FAM240C: variants seen among roughly 807,000 people sequenced by gnomAD.
FAM240C encodes protein FAM240C.
In FAM240C, 14 loss-of-function variants were observed where a neutral mutation model predicts 10.0. The ratio of observed to expected loss-of-function variants is 1.40; its 90% CI spans 0.92 to 2.19. FAM240C has a LOEUF of 2.19. Among genes scored for constraint, FAM240C ranks in the 30% most tolerant of loss-of-function variants. The pLI, the probability that FAM240C is intolerant of heterozygous loss-of-function variation, is 0.00. For synonymous variants in FAM240C, 49 were observed against 44.3 expected, an observed-to-expected ratio of 1.11 and a Z score of -0.42; for missense variants, 154 against 122.3, an observed-to-expected ratio of 1.26 and a Z score of -1.22.
chr2:241,900,347 A>G lies in FAM240C; in HGVS notation c.12+11T>C, dbSNP rs576596989. The G allele has an allele frequency of 1.0e-4, 75 of 717,280 alleles. No homozygotes were observed. In the African/African-American group the frequency reaches 1.2e-3, roughly 12 times the overall value. 44.4% of individuals were successfully genotyped at this position (717,280 alleles called of 1,614,324 possible). ...GCAAGGACAGCGCCTGTCACATCACAGAGAGCTTACTTTTCCAACCATTTC... is the reference window on the plus strand; with the variant it reads ...GCAAGGACAGCGCCTGTCACATCACGGAGAGCTTACTTTTCCAACCATTTC... On this transcript the variant is annotated intron_variant, in intron 1 of 2. Transcript: ENST00000404031. This position sits in a 1 kb window ranked among gnomAD's most constrained non-coding sequence, Gnocchi z 4.5.
chr2:241,895,828 GCCAGAGGACA>G (rs1701782984), intron 2 of FAM240C, among the ~76,000 whole-genome samples: 1 of 151,960 alleles, frequency 6.6e-6, no homozygotes, highest in Non-Finnish European at 1.5e-5. Context: ...CCAGGCAATG[GCCAGAGGACA>G]CCAGGGCACA....
At position 241,900,436 on chromosome 2, in the gene FAM240C, CG is replaced by C; in HGVS notation, c.-68del. ...CTCAGCCTGTCCTCTCCGGGGTGCA[CG>C]CCTGTATCTCGCCTGCCGCTCTCTG... On this transcript the variant is annotated 5_prime_UTR_variant, in exon 1 of 3. Coordinates refer to ENST00000404031, the MANE Select transcript of FAM240C (RefSeq NM_001382368.1). The surrounding 1 kb of genome is among the most constrained non-coding windows in gnomAD (Gnocchi z 4.5). 4 of 714,122 alleles carry C rather than the reference CG, an allele frequency of 5.6e-6. No homozygotes were observed. In the South Asian group the frequency reaches 5.9e-5, roughly 11 times the overall value. 44.2% of individuals were successfully genotyped at this position (714,122 alleles called of 1,614,324 possible).
upstream of FAM240C, among the ~76,000 whole-genome samples, chr2:241,901,086 C>A (rs1380549631): frequency 2.6e-5 from 4 of 152,164 alleles, no homozygotes; most frequent in Non-Finnish European, 5.9e-5. The surrounding 1 kb of genome is among the most constrained non-coding windows in gnomAD (Gnocchi z 4.9). Context: ...GCGATTCCTC[C>A]TTCCTCCACC....
chr2:241,897,652 C>T (rs950532328), intron 1 of FAM240C, among the ~76,000 whole-genome samples: 1 of 152,216 alleles, frequency 6.6e-6, no homozygotes, highest in Non-Finnish European at 1.5e-5. Context: ...TTCTAACTCT[C>T]TGTGTGTTAG....
At chr2:241,899,132 G>C (rs1214345889) in intron 1 of FAM240C, 4 of 1,304,242 alleles carry the variant, frequency 3.1e-6, no homozygotes, top group Non-Finnish European at 1.0e-6. Context: ...AGGTGGAGAG[G>C]GTAAGGGTGC....
intron 1 of FAM240C, among the ~76,000 whole-genome samples, chr2:241,899,537 T>G (rs2124927261): frequency 6.6e-6 from 1 of 152,324 alleles, no homozygotes; most frequent in South Asian, 2.1e-4. Flanking sequence ...CTCTGGTGTC[T>G]GGGCAGACGC....
Position 241,896,601 on chromosome 2 carries a change from AGGGGTGTGGGTGTG to A in FAM240C, c.161+571_161+584del, listed in dbSNP as rs1559468373. 6.1e-3 allele frequency among the ~76,000 whole-genome samples: 19 copies of A among 3,102 alleles called. 1 individual carries two copies. Among genetic ancestry groups the A allele is most frequent in the Middle Eastern group, 0.17 (1 of 6 alleles). The allele number at this position is 3,102 out of a possible 152,430, so 2.0% of individuals were successfully genotyped here. A position where few individuals can be genotyped will look rare whatever the true frequency, so the allele number is the denominator to read the frequency against. Reference sequence around the variant, plus strand: ...GGTGTGGGTGTTGGGGTGTGGGTGAAGGGGTGTGGGTGTGGGGGTGTGGGTGTTGGGGTGTGGGT... The same window carrying A: ...GGTGTGGGTGTTGGGGTGTGGGTGAAGGGGTGTGGGTGTTGGGGTGTGGGT... On this transcript the variant is annotated intron_variant, in intron 2 of 2. Coordinates refer to ENST00000404031, the MANE Select transcript of FAM240C (RefSeq NM_001382368.1).
upstream of FAM240C, among the ~76,000 whole-genome samples, chr2:241,901,988 G>C (rs954993025): frequency 5.3e-5 from 8 of 152,228 alleles, no homozygotes; most frequent in African/African-American, 1.7e-4. This position sits in a 1 kb window ranked among gnomAD's most constrained non-coding sequence, Gnocchi z 4.9. Context: ...CCACCGTGCT[G>C]GCCGTGCCTG....
rs750814070 is a variant in FAM240C, at chr2:241,900,115, A to G, written c.12+243T>C. On this transcript the variant is annotated intron_variant, in intron 1 of 2. Coordinates refer to ENST00000404031, the MANE Select transcript of FAM240C (RefSeq NM_001382368.1). The surrounding 1 kb of genome is among the most constrained non-coding windows in gnomAD (Gnocchi z 4.5). Reference sequence around the variant, plus strand: ...AACAAAACAACAATGACAACAACAGACACACAAAGGGGTGCGTGTTGTGAG... The same window carrying G: ...AACAAAACAACAATGACAACAACAGGCACACAAAGGGGTGCGTGTTGTGAG... Among the ~76,000 whole-genome samples the G allele has an allele frequency of 2.6e-5, 4 of 152,144 alleles. No individual in the cohort carries two copies. Among genetic ancestry groups the G allele is most frequent in the Non-Finnish European group, 2.9e-5 (2 of 68,026 alleles).
intron 1 of FAM240C, chr2:241,899,169 T>C (rs1329050917): frequency 7.7e-7 from 1 of 1,304,006 alleles, no homozygotes; most frequent in African/African-American, 1.5e-5. Flanking sequence ...CAGGTTGCAA[T>C]GAACAGGTGC....
intron 1 of FAM240C, among the ~76,000 whole-genome samples, chr2:241,897,597 C>A (rs1262234549): frequency 6.6e-6 from 1 of 152,152 alleles, no homozygotes; most frequent in African/African-American, 2.4e-5. Context: ...AGGGCAAATT[C>A]CATTTTGGGC....
In FAM240C at chr2:241,897,207, AC is replaced by A. The variant is rs1410202707; in HGVS notation, c.139del (p.Val47PhefsTer6). ...TCACTTGTTCAGAGCGCTTCTGCGA[AC>A]CCTGATGTCCTCGTTCTGCAGGTGT... ...ARHLQNEDIR[V>X]RRSALNKLRV... is the part of the protein sequence containing the mutation. On this transcript the variant is annotated frameshift_variant, in exon 2 of 3. Coordinates refer to ENST00000404031, the MANE Select transcript of FAM240C (RefSeq NM_001382368.1). LOFTEE classifies it high-confidence loss of function. 3 of 1,549,648 alleles carry A rather than the reference AC, an allele frequency of 1.9e-6. No homozygotes were observed. Among genetic ancestry groups the A allele is most frequent in the South Asian group, 2.4e-5 (2 of 84,052 alleles).
chr2:241,895,742 A>G lies in FAM240C; in HGVS notation c.162-1403T>C, dbSNP rs7425866. 2.5e-3 allele frequency among the ~76,000 whole-genome samples: 383 copies of G among 152,122 alleles called. 5 individuals carry two copies. The highest frequency in any genetic ancestry group is 0.017 in the Admixed American group (261 of 15,278). On this transcript the variant is annotated intron_variant, in intron 2 of 2. Transcript: ENST00000404031. The stretch of plus-strand genomic sequence containing the variant: ...ACGCTGGTGCCTGCCTTGGACACCA[A>G]CCTCCACCTCAGGGGCCAGAGAAGG...
At chr2:241,894,994 G>A (rs191420675) in intron 2 of FAM240C, among the ~76,000 whole-genome samples, 194 of 152,330 alleles carry the variant, frequency 1.3e-3, no homozygotes, top group Middle Eastern at 3.4e-3. Context: ...CCTGCCCGCA[G>A]CTGCCGCTTC....
chr2:241,902,101 T>G (rs1701996052), upstream of FAM240C, among the ~76,000 whole-genome samples: 1 of 152,174 alleles, frequency 6.6e-6, no homozygotes, highest in Non-Finnish European at 1.5e-5. The surrounding 1 kb of genome is among the most constrained non-coding windows in gnomAD (Gnocchi z 7.1). Context: ...GGAGGAGGAA[T>G]TTGGGAGAAT....
upstream of FAM240C, among the ~76,000 whole-genome samples, chr2:241,901,687 G>A (rs760665635): frequency 6.6e-6 from 1 of 152,164 alleles, no homozygotes; most frequent in Non-Finnish European, 1.5e-5. The surrounding 1 kb of genome is among the most constrained non-coding windows in gnomAD (Gnocchi z 4.9). Flanking sequence ...GGAAGACGCC[G>A]GTGAGAACCA....
chr2:241,900,181 C>T lies in FAM240C; in HGVS notation c.12+177G>A, dbSNP rs939458607. ...ACTCTCCCCCCACCAAAGGTGTTGA[C>T]AGCAGGAATCCCAGTGGGAAAACAA... On this transcript the variant is annotated intron_variant, in intron 1 of 2. Transcript: ENST00000404031. This position sits in a 1 kb window ranked among gnomAD's most constrained non-coding sequence, Gnocchi z 4.5. Among the ~76,000 whole-genome samples the T allele has an allele frequency of 6.6e-6, 1 of 152,196 alleles. No homozygotes were observed. The highest frequency in any genetic ancestry group is 2.4e-5 in the African/African-American group (1 of 41,450).
At chr2:241,894,594 C>T (rs1413079195) in intron 2 of FAM240C, among the ~76,000 whole-genome samples, 1 of 145,288 alleles carries the variant, frequency 6.9e-6, no homozygotes, top group Non-Finnish European at 1.5e-5. Flanking sequence ...GGGGGCGTCT[C>T]ACTCAGGACC....
intron 2 of FAM240C, among the ~76,000 whole-genome samples, chr2:241,894,958 C>T (rs578051376): frequency 6.6e-6 from 1 of 152,342 alleles, no homozygotes; most frequent in East Asian, 1.9e-4. Context: ...GTGGTCCAGG[C>T]TCCCCGAGAC....
Sources: gnomAD v4.1 joint callset for allele counts (sites outside exome capture counted in the v4.1 genomes callset) on GRCh38, gnomAD v4.1.1 for gene constraint, Gnocchi (gnomAD v3.1) non-coding constraint, MANE v1.5 for transcripts, NCBI Gene and HGNC (gene_info 2026-07-23, HGNC 2026-07-21) for gene names.